Variants in RTTN observed in about 807,000 individuals in gnomAD.
RTTN encodes the protein rotatin.
Under a neutral mutation model 269.2 loss-of-function variants are expected in RTTN, and 182 were observed. That is an observed-to-expected ratio of 0.68 (90% CI 0.60 to 0.76). RTTN has a LOEUF of 0.76. RTTN is among the 30% of genes least tolerant of loss of function. The pLI, the probability that RTTN is intolerant of heterozygous loss-of-function variation, is 0.00. For missense variants in RTTN, 2,545 were observed against 2,608.6 expected, an observed-to-expected ratio of 0.98 and a Z score of 0.53; for synonymous variants, 1,006 against 963.5, an observed-to-expected ratio of 1.04 and a Z score of -0.82.
chr18:70,108,001 G>A (rs1057087515), intron 28 of RTTN, among the ~76,000 whole-genome samples: 1 of 152,180 alleles, frequency 6.6e-6, no homozygotes, highest in Non-Finnish European at 1.5e-5. Flanking sequence ...CAGGCCAGGC[G>A]CAGTGGCTCA....
At chr18:70,023,274 C>T (rs908876960) in intron 44 of RTTN, among the ~76,000 whole-genome samples, 3 of 151,970 alleles carry the variant, frequency 2.0e-5, no homozygotes, top group East Asian at 3.9e-4. Context: ...CCACAGAAGC[C>T]GTGGCATAAT....
At position 70,167,011 on chromosome 18, in the gene RTTN, T is replaced by C. The variant is rs761130082; in HGVS notation, c.1710A>G (p.Glu570=). 2.5e-6 allele frequency: 4 copies of C among 1,611,280 alleles called. No homozygotes were observed. In the South Asian group the frequency reaches 4.4e-5, roughly 18 times the overall value. ...AGGCTTGGTCTGCCAGCTCCACTAA[T>C]TCTAAGAGATTCTTCTCTCCCTACA... is the stretch of plus-strand genomic sequence containing the variant. ...IGKEGEKNLL[E]LVELADQALR... The change falls in exon 13 of 49, where the codon GAA becomes GAG. Residue 570 remains glutamate, a synonymous_variant. Coordinates refer to ENST00000640769, the MANE Select transcript of RTTN (RefSeq NM_173630.4).
chr18:70,128,264 A>G (rs2059915692), intron 24 of RTTN, 94 bp downstream of exon 24: 1 of 976,342 alleles, frequency 1.0e-6, no homozygotes, highest in Admixed American at 2.6e-5. Flanking sequence ...ATACCAAGGG[A>G]AAAAGCTACT....
At chr18:70,194,068 G>C (rs756592258) in intron 7 of RTTN, 5 of 152,168 alleles carry the variant, frequency 3.3e-5, no homozygotes, top group Non-Finnish European at 5.9e-5. Context: ...GAATATATAA[G>C]TAACCTAAAA....
Position 70,109,536 on chromosome 18 carries a change from G to C in RTTN, c.3865C>G (p.Leu1289Val), listed in dbSNP as rs773428357. 1 of 1,614,014 alleles carries C rather than the reference G, an allele frequency of 6.2e-7. No homozygotes were observed. The highest frequency in any genetic ancestry group is 8.5e-7 in the Non-Finnish European group (1 of 1,180,020). ...GACAAGTACTTCACACAGATATCTA[G>C]AGGCTTTGTGAGAGGAGAGTGTGAG... ...WSSHSPLTKP[L>V]DICVKYLSGL... is the part of the protein sequence containing the mutation. The change falls in exon 28 of 49, where the codon CTA (leucine) becomes GTA (valine). Residue 1289 changes from leucine to valine, a missense_variant. Transcript: ENST00000640769.
intron 42 of RTTN, among the ~76,000 whole-genome samples, chr18:70,029,037 G>A (rs756878793): frequency 7.9e-5 from 12 of 152,016 alleles, no homozygotes; most frequent in Non-Finnish European, 1.3e-4. Context: ...GGAGGAACTC[G>A]GATATATGAT....
chr18:70,133,766 G>T (rs896814536), intron 23 of RTTN, among the ~76,000 whole-genome samples: 3 of 152,120 alleles, frequency 2.0e-5, no homozygotes, highest in Non-Finnish European at 2.9e-5. Context: ...AATATTCTAT[G>T]TCAATCTGTG....
At chr18:70,167,894 C>A (rs760475062) in intron 12 of RTTN, among the ~76,000 whole-genome samples, 1 of 152,018 alleles carries the variant, frequency 6.6e-6, no homozygotes, top group South Asian at 2.1e-4. Flanking sequence ...CACCTTTAAT[C>A]CTAGCATTTT....
intron 10 of RTTN, among the ~76,000 whole-genome samples, chr18:70,187,196 G>A (rs1042002755): frequency 3.3e-5 from 5 of 151,978 alleles, no homozygotes; most frequent in African/African-American, 9.7e-5. Context: ...AAAAAAGAAC[G>A]AGAAAATCTC....
At chr18:70,143,324 A>C (rs1485755239) in intron 18 of RTTN, among the ~76,000 whole-genome samples, 1 of 152,194 alleles carries the variant, frequency 6.6e-6, no homozygotes, top group East Asian at 1.9e-4. Flanking sequence ...TATTCACAAC[A>C]GCAAACACAT....
intron 28 of RTTN, among the ~76,000 whole-genome samples, chr18:70,104,134 G>A (rs2059256187): frequency 6.6e-6 from 1 of 152,194 alleles, no homozygotes; most frequent in Non-Finnish European, 1.5e-5. Flanking sequence ...ACAATCAAAT[G>A]TAGATTTGGT....
intron 11 of RTTN, among the ~76,000 whole-genome samples, chr18:70,174,352 A>G (rs547259152): frequency 6.6e-6 from 1 of 152,106 alleles, no homozygotes; most frequent in African/African-American, 2.4e-5. Context: ...TATTCTCACA[A>G]TTATCTTTTC....
chr18:70,073,631 G>A (rs1276151735), intron 34 of RTTN, among the ~76,000 whole-genome samples: 1 of 152,128 alleles, frequency 6.6e-6, no homozygotes, highest in Non-Finnish European at 1.5e-5. Flanking sequence ...GACACACCCT[G>A]GTTCAAACTC....
At chr18:70,150,776 G>T in intron 14 of RTTN, 43 bp from the exon 15 acceptor site, 13 of 1,443,398 alleles carry the variant, frequency 9.0e-6, no homozygotes, top group Middle Eastern at 2.4e-4. Context: ...TAGCAACACT[G>T]ATTTTTCCAA....
chr18:70,120,594 G>A (rs765795285), intron 26 of RTTN, among the ~76,000 whole-genome samples: 1 of 151,938 alleles, frequency 6.6e-6, no homozygotes, highest in African/African-American at 2.4e-5. Context: ...TCTTATTTGT[G>A]TAAAGCTTTA....
chr18:70,085,476 C>T (rs1343518879), intron 32 of RTTN, among the ~76,000 whole-genome samples: 2 of 152,128 alleles, frequency 1.3e-5, no homozygotes, highest in Middle Eastern at 3.2e-3. Context: ...GTTTCACTAA[C>T]TCCTCTAAGA....
At chr18:70,116,320 C>T (rs997691802) in intron 26 of RTTN, among the ~76,000 whole-genome samples, 1 of 151,994 alleles carries the variant, frequency 6.6e-6, no homozygotes, top group Non-Finnish European at 1.5e-5. Flanking sequence ...ACTATTAATA[C>T]ATGAATATAC....
intron 11 of RTTN, among the ~76,000 whole-genome samples, chr18:70,172,380 A>G (rs1202342842): frequency 1.3e-5 from 2 of 152,224 alleles, no homozygotes; most frequent in East Asian, 1.9e-4. Flanking sequence ...AAAAAGTTTC[A>G]GAGTCCAAAT....
intron 8 of RTTN, among the ~76,000 whole-genome samples, chr18:70,192,075 A>C (rs1033250295): frequency 6.6e-6 from 1 of 152,202 alleles, no homozygotes; most frequent in African/African-American, 2.4e-5. Context: ...AATGAGGATG[A>C]TAATAATAAT....
Sources: gnomAD v4.1 joint callset for allele counts (sites outside exome capture counted in the v4.1 genomes callset) on GRCh38, gnomAD v4.1.1 for gene constraint, MANE v1.5 for transcripts, NCBI Gene and HGNC (gene_info 2026-07-23, HGNC 2026-07-21) for gene names.